Variants in SLA observed in about 807,000 individuals in gnomAD.
SLA encodes Src like adaptor.
SLA carries 16 observed loss-of-function variants against 30.3 expected under a neutral mutation model. That is an observed-to-expected ratio of 0.53 (90% CI 0.36 to 0.80). The LOEUF is 0.80. Ranked by LOEUF, SLA falls within the 30% of genes least tolerant of loss-of-function variation. The probability of loss-of-function intolerance (pLI) is 0.01; values close to 1 mark genes in which losing one functional copy is unlikely to be tolerated. For synonymous variants in SLA, 143 were observed against 137.8 expected, an observed-to-expected ratio of 1.04 and a Z score of -0.26; for missense variants, 310 against 345.2, an observed-to-expected ratio of 0.90 and a Z score of 0.81.
chr8:133,059,216 C>A (rs1242644739), intron 3 of SLA: 1 of 445,886 alleles, frequency 2.2e-6, no homozygotes, highest in Non-Finnish European at 4.5e-6. Flanking sequence ...GGACACCAGG[C>A]CCCAAATGCT....
intron 1 of SLA, among the ~76,000 whole-genome samples, chr8:133,083,734 T>C (rs1490390375): frequency 6.6e-6 from 1 of 152,202 alleles, no homozygotes; most frequent in East Asian, 1.9e-4. Context: ...TGAAGAGGAT[T>C]TGAAGAGGAT....
intron 1 of SLA, among the ~76,000 whole-genome samples, chr8:133,078,194 T>A (rs1845193969): frequency 6.6e-6 from 1 of 152,140 alleles, no homozygotes; most frequent in Non-Finnish European, 1.5e-5. Context: ...GAAGAGGAAC[T>A]GGTTTGTGGT....
chr8:133,038,725 G>T lies in SLA; in HGVS notation c.630C>A (p.Asp210Glu). 6.2e-7 allele frequency: 1 copy of T among 1,613,556 alleles called. No individual in the cohort carries two copies. The highest frequency in any genetic ancestry group is 8.5e-7 in the Non-Finnish European group (1 of 1,179,608). The change falls in exon 9 of 9, where the codon GAC (aspartate) becomes GAA (glutamate). Residue 210 changes from aspartate (D) to glutamate (E), a missense_variant. Coordinates refer to ENST00000338087, the MANE Select transcript of SLA (RefSeq NM_001045556.3). ...DWRRVSRLQE[D>E]PEGTENPLGV... is the part of the protein sequence containing the mutation. ...CAAGCGGGTTCTCTGTTCCCTCGGG[G>T]TCCTCCTGCAGTCTGTGGGCCAGAA...
At chr8:133,090,431 C>G (rs1363718471) in intron 1 of SLA, among the ~76,000 whole-genome samples, 1 of 152,090 alleles carries the variant, frequency 6.6e-6, no homozygotes, top group Non-Finnish European at 1.5e-5. Flanking sequence ...AGAGAGTGAG[C>G]AAAAAAGCAC....
intron 8 of SLA, 45 bp downstream of exon 8, chr8:133,039,953 G>GCACACACACACACACACA: frequency 7.0e-7 from 1 of 1,433,552 alleles, no homozygotes; most frequent in Admixed American, 2.2e-5. Flanking sequence ...GCACTTGCAT[G>GCACACACACACACACACA]CACACACACA....
rs1247756562 is a variant in SLA at position 133,037,639 on chromosome 8, T to C, written c.*885A>G. On this transcript the variant is annotated 3_prime_UTR_variant, in exon 9 of 9. Coordinates refer to ENST00000338087, the MANE Select transcript of SLA (RefSeq NM_001045556.3). Reference sequence around the variant, plus strand: ...TGTTGGGGGTTAGGACTTACGCATCTTTTTTTTTTTTTTGGCTTGCCTGAC... The same window carrying C: ...TGTTGGGGGTTAGGACTTACGCATCCTTTTTTTTTTTTTGGCTTGCCTGAC... 1 of 104,254 alleles carries C rather than the reference T, an allele frequency of 9.6e-6. No individual in the cohort carries two copies. Among genetic ancestry groups the C allele is most frequent in the African/African-American group, 4.3e-5 (1 of 23,408 alleles). 6.5% of individuals were successfully genotyped at this position (104,254 alleles called of 1,614,324 possible).
intron 7 of SLA, among the ~76,000 whole-genome samples, chr8:133,043,065 G>A (rs1838617660): frequency 6.6e-6 from 1 of 152,078 alleles, no homozygotes; most frequent in African/African-American, 2.4e-5. Flanking sequence ...GATTCTCAAG[G>A]GGCATAGGAA....
chr8:133,038,706 G>A lies in SLA; in HGVS notation c.649C>T (p.Pro217Ser). 6.2e-7 allele frequency: 1 copy of A among 1,614,108 alleles called. No individual in the cohort carries two copies. The highest frequency in any genetic ancestry group is 1.1e-5 in the South Asian group (1 of 91,078). The change falls in exon 9 of 9, where the codon CCG becomes TCG. Residue 217 changes from proline (P) to serine (S), a missense_variant. By Grantham distance (74) the Pro-to-Ser change is moderately conservative. Coordinates refer to ENST00000338087, the MANE Select transcript of SLA (RefSeq NM_001045556.3). ...AAAAGGGACTCGTCTACCCCAAGCG[G>A]GTTCTCTGTTCCCTCGGGGTCCTCC... ...LQEDPEGTEN[P>S]LGVDESLFSY... is the part of the protein sequence containing the mutation.
chr8:133,058,510 C>CT (rs1343211198), intron 3 of SLA, among the ~76,000 whole-genome samples: 1 of 152,222 alleles, frequency 6.6e-6, no homozygotes, highest in Non-Finnish European at 1.5e-5. Flanking sequence ...GCTGCCCCCT[C>CT]TGCCCCAGGC....
At chr8:133,100,671 C>A (rs1849102065) in intron 1 of SLA, among the ~76,000 whole-genome samples, 1 of 152,146 alleles carries the variant, frequency 6.6e-6, no homozygotes, top group African/African-American at 2.4e-5. Context: ...CCCATGACGT[C>A]ACTCTGGGAA....
At chr8:133,071,054 G>A (rs925802608) in intron 2 of SLA, among the ~76,000 whole-genome samples, 5 of 152,178 alleles carry the variant, frequency 3.3e-5, no homozygotes, top group Admixed American at 6.5e-5. Context: ...GTGTCAGTTC[G>A]CCTTTCTATA....
At chr8:133,050,600 T>C (rs1840219697) in intron 4 of SLA, 1 of 487,110 alleles carries the variant, frequency 2.1e-6, no homozygotes, top group East Asian at 3.4e-5. Flanking sequence ...TTAAGGAATT[T>C]AAATTTGATC....
At chr8:133,041,249 A>G (rs1306950636) in intron 7 of SLA, among the ~76,000 whole-genome samples, 1 of 152,062 alleles carries the variant, frequency 6.6e-6, no homozygotes, top group Non-Finnish European at 1.5e-5. Context: ...AGCACGTCAC[A>G]CCTCTGACAG....
chr8:133,082,335 G>C (rs1845877721), intron 1 of SLA, among the ~76,000 whole-genome samples: 1 of 152,194 alleles, frequency 6.6e-6, no homozygotes. Flanking sequence ...ACTAGCAAAG[G>C]TCCACTGGAA....
chr8:133,102,485 C>G, intron 1 of SLA, 68 bp downstream of exon 1: 3 of 1,436,416 alleles, frequency 2.1e-6, no homozygotes, highest in Non-Finnish European at 2.9e-6. Flanking sequence ...GACCCTCCCC[C>G]ACATACCACC....
At position 133,042,716 on chromosome 8, in the gene SLA, T is replaced by C. The variant is rs184045620; in HGVS notation, c.484+2268A>G. 1.8e-3 allele frequency among the ~76,000 whole-genome samples: 214 copies of C among 118,908 alleles called. 3 individuals are homozygous for C. The highest frequency in any genetic ancestry group is 1.3e-3 in the East Asian group (5 of 3,900). The allele number at this position is 118,908 out of a possible 152,430, so 78.0% of individuals were successfully genotyped here. On this transcript the variant is annotated intron_variant, in intron 7 of 8. Transcript: ENST00000338087. Reference sequence around the variant, plus strand: ...TTTTTTTTTTTTTTTTTTTGTGAGATGGAGTCTTGCTCTGCCACACAAGCT... The same window carrying C: ...TTTTTTTTTTTTTTTTTTTGTGAGACGGAGTCTTGCTCTGCCACACAAGCT...
intron 1 of SLA, among the ~76,000 whole-genome samples, chr8:133,091,101 T>C (rs1327616901): frequency 6.6e-6 from 1 of 152,260 alleles, no homozygotes; most frequent in African/African-American, 2.4e-5. Context: ...GGTGAGCTTC[T>C]ACACGTACAG....
At chr8:133,042,982 C>T (rs200100454) in intron 7 of SLA, among the ~76,000 whole-genome samples, 1 of 110,594 alleles carries the variant, frequency 9.0e-6, no homozygotes, top group Non-Finnish European at 1.9e-5. Context: ...GCATGACCCA[C>T]CATGCCTGGC....
intron 1 of SLA, among the ~76,000 whole-genome samples, chr8:133,080,135 T>G (rs1845525074): frequency 2.0e-5 from 3 of 151,778 alleles, no homozygotes; most frequent in Non-Finnish European, 4.4e-5. Context: ...GAGTCCAGAG[T>G]GACTCTGGCA....
Sources: gnomAD v4.1 joint callset for allele counts (sites outside exome capture counted in the v4.1 genomes callset) on GRCh38, gnomAD v4.1.1 for gene constraint, MANE v1.5 for transcripts, NCBI Gene and HGNC (gene_info 2026-07-23, HGNC 2026-07-21) for gene names.